Variants in PATJ observed in about 807,000 individuals in gnomAD.
PATJ encodes PATJ crumbs cell polarity complex component.
Under a neutral mutation model 224.9 loss-of-function variants are expected in PATJ, and 190 were observed. That is an observed-to-expected ratio of 0.84 (90% CI 0.75 to 0.95). The LOEUF (loss-of-function observed/expected upper bound fraction) is 0.95. Among genes scored for constraint, PATJ ranks in the 40% least tolerant of loss-of-function variants. The pLI, the probability that PATJ is intolerant of heterozygous loss-of-function variation, is 0.00. For missense variants in PATJ, 2,121 were observed against 2,270.3 expected, an observed-to-expected ratio of 0.93 and a Z score of 1.34; for synonymous variants, 769 against 820.3, an observed-to-expected ratio of 0.94 and a Z score of 1.07.
intron 25 of PATJ, among the ~76,000 whole-genome samples, chr1:61,912,707 A>C: frequency 1.0e-5 from 1 of 98,312 alleles, no homozygotes; most frequent in Non-Finnish European, 2.1e-5. Context: ...AGGGGAGGGG[A>C]AGGTAGAGAG....
intron 27 of PATJ, among the ~76,000 whole-genome samples, chr1:61,956,946 A>G (rs547066902): frequency 6.6e-6 from 1 of 152,268 alleles, no homozygotes; most frequent in East Asian, 1.9e-4. Context: ...TCCATTCTTC[A>G]GTCCCCCTTG....
At chr1:62,147,796 T>TAA (rs34657838) in intron 41 of PATJ, among the ~76,000 whole-genome samples, 10 of 128,476 alleles carry the variant, frequency 7.8e-5, no homozygotes, top group Middle Eastern at 4.1e-3. Context: ...AGACTCCGAC[T>TAA]AAAAAAAAAA....
intron 27 of PATJ, among the ~76,000 whole-genome samples, chr1:61,957,402 A>G (rs1372983880): frequency 2.0e-5 from 3 of 152,188 alleles, no homozygotes; most frequent in African/African-American, 7.2e-5. Flanking sequence ...TCATAAAGGA[A>G]TTATATATTT....
intron 28 of PATJ, chr1:61,991,634 G>T: frequency 1.0e-6 from 1 of 985,348 alleles, no homozygotes; most frequent in Non-Finnish European, 1.2e-6. Flanking sequence ...ACCTGTTTCT[G>T]CAAAGAAGTC....
chr1:61,771,942 G>A (rs1405390787), intron 6 of PATJ, among the ~76,000 whole-genome samples: 2 of 151,914 alleles, frequency 1.3e-5, no homozygotes, highest in Admixed American at 6.6e-5. Flanking sequence ...GGCTGGTCTC[G>A]AACTCCTGCC....
At chr1:62,119,987 C>G (rs1664866080) in intron 37 of PATJ, among the ~76,000 whole-genome samples, 1 of 152,120 alleles carries the variant, frequency 6.6e-6, no homozygotes, top group South Asian at 2.1e-4. Flanking sequence ...ACACACCTTT[C>G]TGAAATTTTT....
At chr1:61,924,048 G>T (rs893528330) in intron 26 of PATJ, among the ~76,000 whole-genome samples, 1 of 151,636 alleles carries the variant, frequency 6.6e-6, no homozygotes, top group Non-Finnish European at 1.5e-5. Context: ...TTTGCATTAC[G>T]TAGAGTGAAA....
chr1:61,757,748 A>G (rs1645731786), intron 1 of PATJ, among the ~76,000 whole-genome samples: 1 of 152,212 alleles, frequency 6.6e-6, no homozygotes, highest in Admixed American at 6.6e-5. Flanking sequence ...TGAAAAGTTT[A>G]ATTTTTAAAT....
chr1:62,083,237 G>A (rs528874618), intron 32 of PATJ, among the ~76,000 whole-genome samples: 18 of 152,270 alleles, frequency 1.2e-4, no homozygotes, highest in Admixed American at 2.6e-4. Flanking sequence ...CGATTCTCCT[G>A]CCTTAGTCTC....
chr1:62,139,378 C>T (rs920321912), intron 41 of PATJ, among the ~76,000 whole-genome samples: 3 of 124,800 alleles, frequency 2.4e-5, no homozygotes, highest in South Asian at 2.8e-4. Context: ...CCAGCCTGGG[C>T]GACACAGCGA....
intron 24 of PATJ, among the ~76,000 whole-genome samples, chr1:61,902,010 G>T (rs578105509): frequency 3.1e-4 from 47 of 152,186 alleles, no homozygotes; most frequent in Middle Eastern, 3.4e-3. Context: ...ATCACTTGAG[G>T]TCAGGAGTTT....
chr1:61,809,652 GC>G (rs1654300521), intron 14 of PATJ, among the ~76,000 whole-genome samples: 1 of 152,000 alleles, frequency 6.6e-6, no homozygotes, highest in African/African-American at 2.4e-5. Flanking sequence ...CTCCCAAAGT[GC>G]TGGGATTACA....
intron 33 of PATJ, among the ~76,000 whole-genome samples, chr1:62,105,868 T>C (rs1024516388): frequency 1.3e-5 from 2 of 151,394 alleles, no homozygotes; most frequent in Non-Finnish European, 2.9e-5. Context: ...TTTTCTTTTG[T>C]TGCTTCTCTA....
intron 26 of PATJ, among the ~76,000 whole-genome samples, chr1:61,919,679 TTTTGTTTG>T (rs529874145): frequency 1.3e-5 from 2 of 152,166 alleles, no homozygotes; most frequent in Non-Finnish European, 2.9e-5. Context: ...ACTAAGGGTT[TTTTGTTTG>T]TTTGTTTGTT....
In PATJ at chr1:61,762,920, C is replaced by T; in HGVS notation, c.22+6C>T. On this transcript the variant is annotated splice_donor_region_variant and intron_variant, in intron 2 of 43. Coordinates refer to ENST00000642238, the MANE Select transcript of PATJ (RefSeq NM_001350145.3). ...GCCTGAAAATCCTGCTACAGGTATA[C>T]TGGATATATTGTTCTATAATTAAAT... 6.5e-7 allele frequency: 1 copy of T among 1,540,860 alleles called. No homozygotes were observed. Among genetic ancestry groups the T allele is most frequent in the Non-Finnish European group, 8.9e-7 (1 of 1,126,060 alleles).
chr1:61,925,589 A>G (rs938746007), intron 26 of PATJ, among the ~76,000 whole-genome samples: 1 of 152,198 alleles, frequency 6.6e-6, no homozygotes, highest in African/African-American at 2.4e-5. Flanking sequence ...ATGGGCTTAA[A>G]CAGCTCATGA....
At chr1:61,820,430 C>A (rs1306699956) in intron 14 of PATJ, among the ~76,000 whole-genome samples, 1 of 152,140 alleles carries the variant, frequency 6.6e-6, no homozygotes, top group Admixed American at 6.6e-5. Flanking sequence ...GCAACCTCTG[C>A]CTCCTGGGCT....
At chr1:61,853,264 G>A (rs975297274) in intron 17 of PATJ, among the ~76,000 whole-genome samples, 6 of 152,020 alleles carry the variant, frequency 3.9e-5, no homozygotes, top group Non-Finnish European at 4.4e-5. Flanking sequence ...CTGGTGAATC[G>A]TCCTTTAGAA....
chr1:62,116,711 G>T (rs759422733), intron 36 of PATJ, 32 bp downstream of exon 36: 2 of 1,585,844 alleles, frequency 1.3e-6, no homozygotes, highest in Non-Finnish European at 1.7e-6. Flanking sequence ...TACCCAGCTG[G>T]CACAACTGAA....
Sources: gnomAD v4.1 joint callset for allele counts (sites outside exome capture counted in the v4.1 genomes callset) on GRCh38, gnomAD v4.1.1 for gene constraint, MANE v1.5 for transcripts, NCBI Gene and HGNC (gene_info 2026-07-23, HGNC 2026-07-21) for gene names.